The following MAPKBP1 variants were observed in gnomAD, a reference collection of about 807,000 sequenced individuals.
MAPKBP1 encodes mitogen-activated protein kinase binding protein 1, also known as mitogen-activated protein kinase-binding protein 1.
Under a neutral mutation model 170.5 loss-of-function variants are expected in MAPKBP1, and 71 were observed. The observed-to-expected ratio is 0.42, with a 90% confidence interval of 0.34 to 0.51. The LOEUF (loss-of-function observed/expected upper bound fraction) is 0.51. Ranked by LOEUF, MAPKBP1 falls within the 20% of genes least tolerant of loss-of-function variation. The pLI, the probability that MAPKBP1 is intolerant of heterozygous loss-of-function variation, is 0.06. For missense variants in MAPKBP1, 1,598 were observed against 1,933.0 expected (o/e 0.83, Z 3.25); for synonymous variants, 719 against 757.9 (o/e 0.95, Z 0.84).
intron 3 of MAPKBP1, among the ~76,000 whole-genome samples, chr15:41,809,817 C>T (rs967041203): frequency 1.2e-4 from 19 of 152,246 alleles, no homozygotes; most frequent in Admixed American, 2.6e-4. Context: ...TGCTGCCTGA[C>T]GGGAGAGGTT....
chr15:41,815,365 G>A lies in MAPKBP1; in HGVS notation c.1277G>A (p.Gly426Glu). 6.2e-7 allele frequency: 1 copy of A among 1,614,200 alleles called. No individual in the cohort carries two copies. The highest frequency in any genetic ancestry group is 8.5e-7 in the Non-Finnish European group (1 of 1,180,036). Residue 426 changes from glycine (G) to glutamate (E), a missense_variant, in exon 11 of 31, where the codon GGG (glycine) becomes GAG (glutamate). Physicochemically the swap from Gly to Glu is moderately conservative, Grantham distance 98. Coordinates refer to ENST00000457542, the MANE Select transcript of MAPKBP1 (RefSeq NM_014994.3). ...TIRLWNTESS[G>E]VHGSTLHRNI... The stretch of plus-strand genomic sequence containing the variant: ...CGCCTGTGGAACACAGAGAGCTCCG[G>A]GGTGCATGGCTCCACCCTCCACCGA...
Position 41,818,685 on chromosome 15 carries a change from A to C in MAPKBP1, c.2156+103A>C. 1 of 1,506,068 alleles carries C rather than the reference A, an allele frequency of 6.6e-7. No individual in the cohort carries two copies. Among genetic ancestry groups the C allele is most frequent in the Non-Finnish European group, 9.1e-7 (1 of 1,103,954 alleles). The allele number at this position is 1,506,068 out of a possible 1,614,324, so 93.3% of individuals were successfully genotyped here. A position where few individuals can be genotyped will look rare whatever the true frequency, so the allele number is the denominator to read the frequency against. The stretch of plus-strand genomic sequence containing the variant: ...GTGATGTCTCTGGGAAGTGGGGTTA[A>C]CAGGGATAGCTTTTGGCTGTGCTTG... On this transcript the variant is annotated intron_variant, in intron 19 of 30. Transcript: ENST00000457542. The surrounding 1 kb of genome is among the most constrained non-coding windows in gnomAD (Gnocchi z 5.2).
Position 41,822,265 on chromosome 15 carries a change from C to T in MAPKBP1, c.3072C>T (p.Ser1024=). 6.2e-7 allele frequency: 1 copy of T among 1,614,054 alleles called. No individual in the cohort carries two copies. Among genetic ancestry groups the T allele is most frequent in the Non-Finnish European group, 8.5e-7 (1 of 1,180,008 alleles). Residue 1024 remains serine (S), a synonymous_variant, in exon 26 of 31, where the codon TCC becomes TCT. Coordinates refer to ENST00000457542, the MANE Select transcript of MAPKBP1 (RefSeq NM_014994.3). The stretch of plus-strand genomic sequence containing the variant: ...AGCCCCTCAGTGTGGATGGCATCTC[C>T]TCAGACCTTGAAGAGCCAGCTGAGG... The part of the protein sequence containing the change: ...STEPLSVDGI[S]SDLEEPAEGD...
rs375484840 is a variant in MAPKBP1, at chr15:41,802,494, G to A, written c.206+2580G>A. Among the ~76,000 whole-genome samples, 14 of 152,000 alleles carry A rather than the reference G, an allele frequency of 9.2e-5. No homozygotes were observed. The East Asian group carries it at 2.5e-3, about 27-fold the overall frequency. On this transcript the variant is annotated intron_variant, in intron 3 of 30. Transcript: ENST00000457542. ...TATCTTTCTTTTATCTTTTTTCCGA[G>A]ATGGAGTCTCCCTCTGTCACCCAGG...
Position 41,817,297 on chromosome 15 carries a change from T to C in MAPKBP1, c.1712-91T>C, listed in dbSNP as rs1051581857. ...GGTTTTCCCTGGCATGTAGAGTAGC[T>C]TGATGGGGGATCTCATGGAGGGAAG... On this transcript the variant is annotated intron_variant, in intron 14 of 30. Coordinates refer to ENST00000457542, the MANE Select transcript of MAPKBP1 (RefSeq NM_014994.3). This position sits in a 1 kb window ranked among gnomAD's most constrained non-coding sequence, Gnocchi z 4.2. 9 of 1,391,826 alleles carry C rather than the reference T, an allele frequency of 6.5e-6. No homozygotes were observed. The highest frequency in any genetic ancestry group is 3.4e-5 in the Admixed American group (2 of 59,264). 86.2% of individuals were successfully genotyped at this position (1,391,826 alleles called of 1,614,324 possible).
intron 2 of MAPKBP1, among the ~76,000 whole-genome samples, chr15:41,778,080 G>A (rs1262310622): frequency 6.6e-6 from 1 of 152,112 alleles, no homozygotes; most frequent in Non-Finnish European, 1.5e-5. Flanking sequence ...GTTATTTTAT[G>A]TATGTCTTCA....
chr15:41,793,680 G>C (rs1000844058), intron 2 of MAPKBP1, among the ~76,000 whole-genome samples: 4 of 152,180 alleles, frequency 2.6e-5, no homozygotes, highest in Non-Finnish European at 5.9e-5. Context: ...AAAGGTCTGA[G>C]AATCTCTGGG....
At chr15:41,813,879 C>G (rs144002855) in intron 9 of MAPKBP1, 98 bp downstream of exon 9, 2 of 1,351,040 alleles carry the variant, frequency 1.5e-6, no homozygotes, top group Non-Finnish European at 2.0e-6. Flanking sequence ...TGTATTGATG[C>G]CCCAAAGATT....
At chr15:41,797,457 T>C (rs1248362465) in intron 2 of MAPKBP1, among the ~76,000 whole-genome samples, 4 of 152,110 alleles carry the variant, frequency 2.6e-5, no homozygotes, top group African/African-American at 9.7e-5. Context: ...TGTCCCTAAA[T>C]ATCCCCTCCT....
At chr15:41,792,874 C>G (rs1449785802) in intron 2 of MAPKBP1, among the ~76,000 whole-genome samples, 2 of 152,164 alleles carry the variant, frequency 1.3e-5, no homozygotes, top group Non-Finnish European at 2.9e-5. Context: ...GGGCTTGCTT[C>G]CTCATGTGGA....
chr15:41,799,836 A>C lies in MAPKBP1; in HGVS notation c.128A>C (p.Lys43Thr). The stretch of plus-strand genomic sequence containing the variant: ...TTCCTCTAACAGGTGACCTTGGAGA[A>C]GGTGCTGGGAATTACAGTGTCTGGA... ...EDLSSKVTLE[K>T]VLGITVSGGR... Residue 43 changes from lysine to threonine, a missense_variant, in exon 3 of 31, where the codon AAG becomes ACG. Lys to Thr is a moderately conservative substitution (Grantham distance 78). Coordinates refer to ENST00000457542, the MANE Select transcript of MAPKBP1 (RefSeq NM_014994.3). 1 of 1,614,012 alleles carries C rather than the reference A, an allele frequency of 6.2e-7. No homozygotes were observed. The highest frequency in any genetic ancestry group is 8.5e-7 in the Non-Finnish European group (1 of 1,179,906).
rs1408136962 is a variant in MAPKBP1 at position 41,827,306 on chromosome 15, AAAAAAG to A, written c.*1877_*1882del. On this transcript the variant is annotated 3_prime_UTR_variant, in exon 31 of 31. Transcript: ENST00000457542. ...CAAAGCTACACGCCATCTCAAAAAA[AAAAAAG>A]AAAAAGGGTTACAAAAGGTTCCCAG... The A allele has an allele frequency of 6.6e-6, 1 of 151,946 alleles. No homozygotes were observed. The highest frequency in any genetic ancestry group is 2.4e-5 in the African/African-American group (1 of 41,364). The allele number at this position is 151,946 out of a possible 1,614,324, so 9.4% of individuals were successfully genotyped here.
rs147169567 is a variant in MAPKBP1, at chr15:41,787,130, C to T, written c.114+11741C>T. 1.4e-3 allele frequency among the ~76,000 whole-genome samples: 213 copies of T among 151,878 alleles called. 1 individual carries two copies. Among genetic ancestry groups the T allele is most frequent in the African/African-American group, 4.6e-3 (191 of 41,404 alleles). On this transcript the variant is annotated intron_variant, in intron 2 of 30. Coordinates refer to ENST00000457542, the MANE Select transcript of MAPKBP1 (RefSeq NM_014994.3). ...GGGATTACAGGTGTGAGCCACTGTGCCTGGCCAGTTTCTAATATCTTCAAA... is the reference window on the plus strand; with the variant it reads ...GGGATTACAGGTGTGAGCCACTGTGTCTGGCCAGTTTCTAATATCTTCAAA...
intron 2 of MAPKBP1, among the ~76,000 whole-genome samples, chr15:41,796,438 T>C (rs1172208815): frequency 6.6e-6 from 1 of 152,154 alleles, no homozygotes; most frequent in Non-Finnish European, 1.5e-5. Flanking sequence ...GTTGGAGGCC[T>C]TGCAGGAACT....
chr15:41,794,105 G>T (rs548672984), intron 2 of MAPKBP1, among the ~76,000 whole-genome samples: 2 of 152,084 alleles, frequency 1.3e-5, no homozygotes, highest in African/African-American at 2.4e-5. Flanking sequence ...GATGGTGGGT[G>T]CCTGTAATCC....
Position 41,788,388 on chromosome 15 carries a change from A to G in MAPKBP1, c.115-11435A>G, listed in dbSNP as rs570285853. On this transcript the variant is annotated intron_variant, in intron 2 of 30. Coordinates refer to ENST00000457542, the MANE Select transcript of MAPKBP1 (RefSeq NM_014994.3). ...CAACTTCTGCCCTCCAGGAGTGTGTAGACTGGTAGGAGAGATAAGACAAAT... is the reference window on the plus strand; with the variant it reads ...CAACTTCTGCCCTCCAGGAGTGTGTGGACTGGTAGGAGAGATAAGACAAAT... 1.1e-3 allele frequency among the ~76,000 whole-genome samples: 167 copies of G among 152,356 alleles called. 1 individual carries two copies. The Middle Eastern group carries it at 0.014, about 12-fold the overall frequency.
At position 41,817,160 on chromosome 15, in the gene MAPKBP1, C is replaced by A; in HGVS notation, c.1711+125C>A. On this transcript the variant is annotated intron_variant, in intron 14 of 30. Transcript: ENST00000457542. This position sits in a 1 kb window ranked among gnomAD's most constrained non-coding sequence, Gnocchi z 4.2. ...TGGACAGCAGCTGGGAGGCCTGGAG[C>A]TGGTTGGGAAGATAGGTGGAACAGA... 6.9e-7 allele frequency: 1 copy of A among 1,445,136 alleles called. No homozygotes were observed. The highest frequency in any genetic ancestry group is 1.4e-5 in the South Asian group (1 of 72,852). 89.5% of individuals were successfully genotyped at this position (1,445,136 alleles called of 1,614,324 possible).
chr15:41,803,836 G>A (rs1277537118), intron 3 of MAPKBP1, among the ~76,000 whole-genome samples: 3 of 152,090 alleles, frequency 2.0e-5, no homozygotes, highest in Non-Finnish European at 4.4e-5. Flanking sequence ...CAGAGTAGGG[G>A]GAGACCACAC....
rs1391176936 is a variant in MAPKBP1 at position 41,812,090 on chromosome 15, A to G, written c.461A>G (p.Tyr154Cys). ...GCCAAGTACATTGTCTCTGTGGGCT[A>G]CCAGCATGACATGATCGTCAACGTG... The part of the protein sequence containing the change: ...PSAKYIVSVG[Y>C]QHDMIVNVWA... Residue 154 changes from tyrosine to cysteine, a missense_variant, in exon 6 of 31, where the codon TAC becomes TGC. This residue lies in a region of MAPKBP1 where 151 missense variants were observed against 191.4 expected (regional missense o/e 0.79). Coordinates refer to ENST00000457542, the MANE Select transcript of MAPKBP1 (RefSeq NM_014994.3). 1.9e-6 allele frequency: 3 copies of G among 1,614,084 alleles called. No homozygotes were observed. The South Asian group carries it at 3.3e-5, about 18-fold the overall frequency.
Sources: allele counts gnomAD v4.1 joint callset (sites outside exome capture counted in the v4.1 genomes callset), GRCh38; gene constraint gnomAD v4.1.1; regional missense constraint gnomAD v4.1.1; non-coding constraint Gnocchi (gnomAD v3.1); transcripts MANE v1.5; gene names NCBI Gene and HGNC (gene_info 2026-07-23, HGNC 2026-07-21).